The following NPSR1 variants were observed in gnomAD, a reference collection of about 807,000 sequenced individuals.
NPSR1 encodes neuropeptide S receptor 1.
NPSR1 carries 48 observed loss-of-function variants against 46.9 expected under a neutral mutation model. That is an observed-to-expected ratio of 1.02 (90% CI 0.81 to 1.30). The LOEUF is 1.30. NPSR1 is among the 50% of genes most tolerant of loss of function. The pLI is 0.00. For missense variants in NPSR1, 450 were observed against 449.5 expected (o/e 1.00, Z -0.01); for synonymous variants, 176 against 168.1 (o/e 1.05, Z -0.36).
At chr7:34,871,304 T>C (rs1791447477) in intron 8 of NPSR1, among the ~76,000 whole-genome samples, 1 of 151,450 alleles carries the variant, frequency 6.6e-6, no homozygotes, top group African/African-American at 2.4e-5. Context: ...AACTCACTCA[T>C]CATTAGGGGA....
chr7:34,866,330 C>T (rs1049598750), intron 8 of NPSR1, among the ~76,000 whole-genome samples: 19 of 151,842 alleles, frequency 1.3e-4, no homozygotes, highest in African/African-American at 4.1e-4. Flanking sequence ...CAGCAGGACC[C>T]GTGAGTAAAC....
intron 8 of NPSR1, among the ~76,000 whole-genome samples, chr7:34,870,867 C>CATGGATGGATGGATGGATGGATGG (rs56324222): frequency 1.4e-5 from 2 of 145,650 alleles, no homozygotes; most frequent in African/African-American, 5.4e-5. Context: ...AAGTGGGTAA[C>CATGGATGGATGGATGGATGGATGG]ATGGATGGAT....
rs13230135 is a variant in NPSR1, at chr7:34,878,147, C to T, written c.1097C>T (p.Thr366Ile). Residue 366 changes from threonine to isoleucine, a missense_variant, in exon 9 of 9, where the codon ACT becomes ATT. Physicochemically the swap from Thr to Ile is moderately conservative, Grantham distance 89. Transcript: ENST00000359791. ...CCTCAACGAGAGAACTGGAAGGGTA[C>T]TTGGCCAGGTGTACCTTCCTGGGCT... The T allele has an allele frequency of 1.9e-3, 3,095 of 1,608,440 alleles. 55 individuals are homozygous for T. In the African/African-American group the frequency reaches 0.033, roughly 17 times the overall value.
intron 8 of NPSR1, among the ~76,000 whole-genome samples, chr7:34,858,808 C>G: frequency 6.6e-6 from 1 of 151,786 alleles, no homozygotes; most frequent in East Asian, 1.9e-4. Context: ...CAGTCATCTC[C>G]CACTGGGTCC....
At chr7:34,683,973 C>T (rs1349603523) in intron 1 of NPSR1, among the ~76,000 whole-genome samples, 1 of 152,180 alleles carries the variant, frequency 6.6e-6, no homozygotes, top group East Asian at 1.9e-4. Flanking sequence ...CCCATAATTA[C>T]ACCCTAATAT....
intron 2 of NPSR1, among the ~76,000 whole-genome samples, chr7:34,713,736 G>A (rs10258095): frequency 0.14 from 21,751 of 152,212 alleles, 2,076 homozygotes; most frequent in East Asian, 0.34. Flanking sequence ...TGCATAGTCC[G>A]TGACTGGGAG....
At chr7:34,866,587 G>T (rs55753089) in intron 8 of NPSR1, among the ~76,000 whole-genome samples, 10,025 of 151,382 alleles carry the variant, frequency 0.066, 497 homozygotes, top group Middle Eastern at 0.2. Flanking sequence ...AGACAACTCA[G>T]TTGCACAATT....
At chr7:34,660,677 T>A (rs1791410886) in intron 1 of NPSR1, among the ~76,000 whole-genome samples, 1 of 152,042 alleles carries the variant, frequency 6.6e-6, no homozygotes, top group South Asian at 2.1e-4. Context: ...GTGCCAAGAG[T>A]CATAGCAAGA....
chr7:34,709,221 G>C (rs763718897), intron 2 of NPSR1, among the ~76,000 whole-genome samples: 6 of 152,178 alleles, frequency 3.9e-5, no homozygotes, highest in Non-Finnish European at 7.4e-5. Flanking sequence ...CCCAGGAATA[G>C]AGTGACAAAA....
intron 5 of NPSR1, chr7:34,834,105 A>T: frequency 2.3e-6 from 1 of 439,996 alleles, no homozygotes; most frequent in African/African-American, 2.0e-5. Flanking sequence ...TTGGATTCTA[A>T]TCACAGCTCT....
At chr7:34,745,796 G>A (rs935560668) in intron 2 of NPSR1, among the ~76,000 whole-genome samples, 3 of 152,200 alleles carry the variant, frequency 2.0e-5, no homozygotes, top group East Asian at 3.8e-4. Context: ...TTACAGGTGT[G>A]AGCCACCATC....
At chr7:34,707,417 G>A (rs140676585) in intron 2 of NPSR1, among the ~76,000 whole-genome samples, 3 of 152,302 alleles carry the variant, frequency 2.0e-5, no homozygotes, top group East Asian at 1.9e-4. Context: ...CAGAAGGAAT[G>A]TAGAAAATAG....
chr7:34,851,598 A>G (rs1394670549), downstream of NPSR1, among the ~76,000 whole-genome samples: 2 of 152,220 alleles, frequency 1.3e-5, no homozygotes, highest in African/African-American at 4.8e-5. Flanking sequence ...ACTGTTGCTA[A>G]AATAGCTGGC....
At chr7:34,830,916 T>G (rs1224028758) in intron 5 of NPSR1, among the ~76,000 whole-genome samples, 2 of 152,162 alleles carry the variant, frequency 1.3e-5, no homozygotes, top group Non-Finnish European at 1.5e-5. Context: ...CCCATGTGCA[T>G]CACTCCCATG....
intron 2 of NPSR1, among the ~76,000 whole-genome samples, chr7:34,725,131 ACACACACACT>A (rs1281559794): frequency 6.6e-6 from 1 of 151,908 alleles, no homozygotes; most frequent in Non-Finnish European, 1.5e-5. Flanking sequence ...ACACAGACAC[ACACACACACT>A]CACACACACA....
intron 4 of NPSR1, among the ~76,000 whole-genome samples, chr7:34,824,722 C>A (rs976462869): frequency 6.6e-6 from 1 of 152,138 alleles, no homozygotes; most frequent in African/African-American, 2.4e-5. Flanking sequence ...CTTTGTGGGG[C>A]CCAGGAGTCA....
At chr7:34,775,097 C>G (rs1467533588) in intron 2 of NPSR1, among the ~76,000 whole-genome samples, 1 of 152,144 alleles carries the variant, frequency 6.6e-6, no homozygotes. Context: ...TGTGTCCTAC[C>G]AATGCCTCTA....
chr7:34,676,565 G>A (rs982569838), intron 1 of NPSR1, among the ~76,000 whole-genome samples: 3 of 152,026 alleles, frequency 2.0e-5, no homozygotes. Flanking sequence ...TAATACGGCT[G>A]CGAATAAAGG....
At chr7:34,751,241 A>G in intron 2 of NPSR1, 1 of 1,036,684 alleles carries the variant, frequency 9.6e-7, no homozygotes, top group Non-Finnish European at 1.5e-6. Flanking sequence ...ATGAGATTAG[A>G]CCGGACAATG....
Sources: allele counts gnomAD v4.1 joint callset (sites outside exome capture counted in the v4.1 genomes callset), GRCh38; gene constraint gnomAD v4.1.1; transcripts MANE v1.5; gene names NCBI Gene and HGNC (gene_info 2026-07-23, HGNC 2026-07-21).